The following DCHS2 variants were observed in gnomAD, a reference collection of about 807,000 sequenced individuals.
DCHS2 encodes the protein dachsous cadherin-related 2, also known as protocadherin-23.
In DCHS2, 142 loss-of-function variants were observed where a neutral mutation model predicts 182.4. The observed-to-expected ratio is 0.78, with a 90% CI of 0.68 to 0.89. The LOEUF is 0.89. Among genes scored for constraint, DCHS2 ranks in the 40% least tolerant of loss-of-function variants. The pLI is 0.00. For missense variants in DCHS2, 4,319 were observed against 4,198.6 expected (o/e 1.03, Z -0.79); for synonymous variants, 1,740 against 1,663.3 (o/e 1.05, Z -1.12).
intron 1 of DCHS2, among the ~76,000 whole-genome samples, chr4:154,415,129 G>A (rs1168953057): frequency 6.6e-6 from 1 of 152,106 alleles, no homozygotes; most frequent in African/African-American, 2.4e-5. Context: ...AGACCGGGAG[G>A]GACCTGATAT....
intron 3 of DCHS2, chr4:154,343,317 A>T (rs570395949): frequency 1.6e-5 from 10 of 619,450 alleles, no homozygotes; most frequent in Non-Finnish European, 2.2e-5. Context: ...CACCAGCTGC[A>T]TTAGCCCCTA....
rs191265999 is a variant in DCHS2 at position 154,239,711 on chromosome 4, G to T, written c.7360-409C>A. ...TTTAGTAGAGATGGGGTTTCACCAC[G>T]TTGGCCAGGCTGGTCTTGAACTCCT... On this transcript the variant is annotated intron_variant, in intron 18 of 19. Coordinates refer to ENST00000357232, the MANE Select transcript of DCHS2 (RefSeq NM_001358235.2). 5.1e-3 allele frequency among the ~76,000 whole-genome samples: 780 copies of T among 152,186 alleles called. 3 individuals are homozygous for T. Among genetic ancestry groups the T allele is most frequent in the Middle Eastern group, 0.045 (13 of 292 alleles).
intron 15 of DCHS2, among the ~76,000 whole-genome samples, chr4:154,259,071 T>C (rs773864079): frequency 1.3e-5 from 2 of 152,170 alleles, no homozygotes; most frequent in African/African-American, 2.4e-5. Context: ...TGTGAATGGA[T>C]GCTTCTCCAG....
chr4:154,415,255 T>C (rs2110900832), intron 1 of DCHS2, among the ~76,000 whole-genome samples: 1 of 152,370 alleles, frequency 6.6e-6, no homozygotes, highest in Admixed American at 6.5e-5. Flanking sequence ...ATTTCTAATC[T>C]TCTCTCAAAT....
chr4:154,411,347 C>T (rs949967210), intron 1 of DCHS2, among the ~76,000 whole-genome samples: 1 of 151,972 alleles, frequency 6.6e-6, no homozygotes, highest in African/African-American at 2.4e-5. Context: ...TCCTATAATC[C>T]CAGTACTTTG....
intron 1 of DCHS2, among the ~76,000 whole-genome samples, chr4:154,393,688 A>C (rs1022152927): frequency 1.1e-5 from 1 of 90,400 alleles, no homozygotes; most frequent in African/African-American, 2.6e-5. Context: ...CCACCAGTCC[A>C]CTCTTTCGCT....
intron 2 of DCHS2, among the ~76,000 whole-genome samples, chr4:154,370,204 C>A (rs917032582): frequency 2.6e-5 from 4 of 152,076 alleles, no homozygotes; most frequent in Non-Finnish European, 5.9e-5. Context: ...CCAAGAGAAG[C>A]AGCATCTAAA....
intron 7 of DCHS2, chr4:154,323,334 C>CAAA (rs145036588): frequency 2.2e-4 from 314 of 1,439,860 alleles, no homozygotes; most frequent in South Asian, 7.1e-4. Context: ...GTCTAGCTGC[C>CAAA]AAAAAAAAAA....
intron 10 of DCHS2, among the ~76,000 whole-genome samples, chr4:154,308,166 A>T (rs1735525267): frequency 2.0e-5 from 3 of 151,924 alleles, no homozygotes; most frequent in African/African-American, 7.3e-5. Context: ...ACAGTGACCA[A>T]TGACCTTCTG....
At chr4:154,433,685 C>A (rs759074077) in intron 1 of DCHS2, among the ~76,000 whole-genome samples, 2 of 152,110 alleles carry the variant, frequency 1.3e-5, no homozygotes, top group South Asian at 2.1e-4. Context: ...TGAATCACTG[C>A]GCCAGGCCAG....
intron 1 of DCHS2, among the ~76,000 whole-genome samples, chr4:154,406,708 A>G (rs1318536449): frequency 6.6e-6 from 1 of 152,226 alleles, no homozygotes; most frequent in Non-Finnish European, 1.5e-5. Context: ...TACATGTTAT[A>G]TGTACTTGTG....
chr4:154,448,734 C>T (rs1469665916), intron 1 of DCHS2, among the ~76,000 whole-genome samples: 2 of 152,196 alleles, frequency 1.3e-5, no homozygotes, highest in Admixed American at 6.5e-5. Flanking sequence ...TTGTGGTTTT[C>T]ACAGAAGCTG....
intron 1 of DCHS2, among the ~76,000 whole-genome samples, chr4:154,394,792 T>C (rs938079282): frequency 3.3e-5 from 5 of 152,184 alleles, no homozygotes; most frequent in Admixed American, 6.5e-5. Context: ...GGCATCCATA[T>C]TTTAGAGCAA....
At chr4:154,244,675 C>T (rs1287780568) in intron 16 of DCHS2, among the ~76,000 whole-genome samples, 1 of 152,142 alleles carries the variant, frequency 6.6e-6, no homozygotes, top group Non-Finnish European at 1.5e-5. Context: ...TTGAATTCCA[C>T]TTAATATTAA....
intron 1 of DCHS2, among the ~76,000 whole-genome samples, chr4:154,436,327 T>C (rs1310370983): frequency 6.6e-6 from 1 of 152,248 alleles, no homozygotes; most frequent in Non-Finnish European, 1.5e-5. Context: ...TTATAGCTTA[T>C]TATCTATACT....
intron 1 of DCHS2, among the ~76,000 whole-genome samples, chr4:154,448,970 T>G (rs1734418858): frequency 6.6e-6 from 1 of 152,160 alleles, no homozygotes; most frequent in Non-Finnish European, 1.5e-5. Flanking sequence ...AATGCGTGCC[T>G]CCTCACTGGA....
chr4:154,410,450 T>G (rs140964231), intron 1 of DCHS2, among the ~76,000 whole-genome samples: 1,531 of 145,110 alleles, frequency 0.011, 33 homozygotes, highest in African/African-American at 0.038. Flanking sequence ...AAGATAGGTA[T>G]TTTGAAAATA....
chr4:154,291,242 A>G (rs1390494766), intron 13 of DCHS2, among the ~76,000 whole-genome samples: 1 of 152,134 alleles, frequency 6.6e-6, no homozygotes, highest in Non-Finnish European at 1.5e-5. Flanking sequence ...ACAGTGAAAT[A>G]TCATCTCATC....
At position 154,333,119 on chromosome 4, in the gene DCHS2, C is replaced by T. The variant is rs1728562756; in HGVS notation, c.3089G>A (p.Arg1030Lys). The change falls in exon 5 of 20, where the codon AGA (arginine) becomes AAA (lysine). Residue 1030 changes from arginine to lysine, a missense_variant. By Grantham distance (26) the Arg-to-Lys change is conservative (BLOSUM62 2). Coordinates refer to ENST00000357232, the MANE Select transcript of DCHS2 (RefSeq NM_001358235.2). The part of the protein sequence containing the change: ...SPQPGVFAID[R>K]ALGVLFLNGS... ...GTTGAGGAACAGCACCCCCAGGGCTCTGTCGATGGCAAAGACGCCTGGCTG... is the reference window on the plus strand; with the variant it reads ...GTTGAGGAACAGCACCCCCAGGGCTTTGTCGATGGCAAAGACGCCTGGCTG... The T allele has an allele frequency of 3.7e-6, 6 of 1,614,124 alleles. No individual in the cohort carries two copies. In the East Asian group the frequency reaches 1.3e-4, roughly 36 times the overall value.
Sources: allele counts gnomAD v4.1 joint callset (sites outside exome capture counted in the v4.1 genomes callset), GRCh38; gene constraint gnomAD v4.1.1; transcripts MANE v1.5; gene names NCBI Gene and HGNC (gene_info 2026-07-23, HGNC 2026-07-21).